Variants in DYM observed in about 807,000 individuals in gnomAD.
The protein encoded by DYM is dyggve-Melchior-Clausen syndrome protein.
Under a neutral mutation model 93.1 loss-of-function variants are expected in DYM, and 78 were observed. That is an observed-to-expected ratio of 0.84 (90% CI 0.70 to 1.01). The LOEUF (loss-of-function observed/expected upper bound fraction) is 1.01. DYM is among the 50% of genes least tolerant of loss of function. The pLI is 0.00. For missense variants in DYM, 789 were observed against 845.0 expected, an observed-to-expected ratio of 0.93 and a Z score of 0.82; for synonymous variants, 321 against 319.7, an observed-to-expected ratio of 1.00 and a Z score of -0.04.
rs188868815 is a variant in DYM, at chr18:49,047,163, A to G, written c.2026-2959T>C. Among the ~76,000 whole-genome samples, 402 of 152,230 alleles carry G rather than the reference A, an allele frequency of 2.6e-3. 10 individuals carry two copies. The highest frequency in any genetic ancestry group is 0.023 in the Admixed American group (356 of 15,278). On this transcript the variant is annotated intron_variant, in intron 17 of 17. Coordinates refer to ENST00000675505, the MANE Select transcript of DYM (RefSeq NM_001353214.3). ...CAGCTCCCCACTTTGTGGCTACCAG[A>G]CTGTTATATAAATAGACGCCAAGCT...
chr18:49,111,916 G>T (rs2145861781), intron 16 of DYM, among the ~76,000 whole-genome samples: 1 of 152,286 alleles, frequency 6.6e-6, no homozygotes, highest in South Asian at 2.1e-4. Flanking sequence ...TCCGATGGCA[G>T]CCAGACTTTG....
chr18:49,238,675 C>A (rs1457618560), intron 13 of DYM, among the ~76,000 whole-genome samples: 1 of 151,908 alleles, frequency 6.6e-6, no homozygotes, highest in Non-Finnish European at 1.5e-5. Flanking sequence ...TTAGCTAAAG[C>A]ATCTCCCTAT....
chr18:49,241,599 T>C (rs975219979), intron 13 of DYM, among the ~76,000 whole-genome samples: 15 of 152,154 alleles, frequency 9.9e-5, no homozygotes, highest in African/African-American at 3.4e-4. Context: ...TTTATTTTTC[T>C]CTCCACCACT....
chr18:49,405,870 T>C (rs1482794641), intron 2 of DYM, among the ~76,000 whole-genome samples: 1 of 152,220 alleles, frequency 6.6e-6, no homozygotes, highest in African/African-American at 2.4e-5. Context: ...TGGAATGTTT[T>C]TCCATTTGTT....
intron 13 of DYM, among the ~76,000 whole-genome samples, chr18:49,218,353 G>C (rs528682273): frequency 2.6e-5 from 4 of 152,170 alleles, no homozygotes; most frequent in Non-Finnish European, 5.9e-5. Context: ...CAACGAAACA[G>C]AAAGTTAACA....
intron 5 of DYM, among the ~76,000 whole-genome samples, chr18:49,366,636 C>T (rs1024522540): frequency 1.3e-5 from 2 of 152,170 alleles, no homozygotes; most frequent in African/African-American, 2.4e-5. Flanking sequence ...TTAAAACAAA[C>T]AAACAAACAA....
intron 16 of DYM, among the ~76,000 whole-genome samples, chr18:49,097,772 G>C (rs934309686): frequency 6.6e-6 from 1 of 152,056 alleles, no homozygotes; most frequent in Non-Finnish European, 1.5e-5. Flanking sequence ...TTCTTGTGCT[G>C]CCTGACCTTG....
intron 10 of DYM, among the ~76,000 whole-genome samples, chr18:49,278,862 CT>C (rs1329534421): frequency 6.6e-6 from 1 of 152,152 alleles, no homozygotes; most frequent in African/African-American, 2.4e-5. Flanking sequence ...AGATATATTT[CT>C]TTTCTCTTAT....
chr18:49,227,228 C>T (rs1322120871), intron 13 of DYM, among the ~76,000 whole-genome samples: 1 of 152,116 alleles, frequency 6.6e-6, no homozygotes, highest in African/African-American at 2.4e-5. Flanking sequence ...TTATAAAATT[C>T]TTCCTAAAAA....
intron 14 of DYM, chr18:49,208,624 T>C (rs1342113760): frequency 6.6e-6 from 1 of 152,208 alleles, no homozygotes. Flanking sequence ...ATATTATGTA[T>C]AGTCTCAAGT....
intron 8 of DYM, chr18:49,329,430 A>AT (rs1279518633): frequency 6.6e-6 from 1 of 152,250 alleles, no homozygotes; most frequent in Non-Finnish European, 1.5e-5. Context: ...AAAAAGTATA[A>AT]TTTAAAAAAA....
chr18:49,143,978 C>T (rs192198901), intron 15 of DYM, among the ~76,000 whole-genome samples: 222 of 152,150 alleles, frequency 1.5e-3, no homozygotes, highest in African/African-American at 5.0e-3. Flanking sequence ...AAAATATACA[C>T]AATGCAATTT....
intron 5 of DYM, among the ~76,000 whole-genome samples, chr18:49,365,727 G>A (rs2066461000): frequency 6.6e-6 from 1 of 152,154 alleles, no homozygotes; most frequent in Non-Finnish European, 1.5e-5. Context: ...CAGCCAAGCA[G>A]CCAGCACAGT....
rs185427110 is a variant in DYM at position 49,331,123 on chromosome 18, G to A, written c.763+741C>T. Among the ~76,000 whole-genome samples, 482 of 152,262 alleles carry A rather than the reference G, an allele frequency of 3.2e-3. 3 individuals are homozygous for A. The highest frequency in any genetic ancestry group is 4.7e-3 in the Non-Finnish European group (319 of 68,020). On this transcript the variant is annotated intron_variant, in intron 8 of 17. Coordinates refer to ENST00000675505, the MANE Select transcript of DYM (RefSeq NM_001353214.3). ...TGTGTTCCATTTGACTCTGTCCTGC[G>A]TGATTAAGGAGAGGACATGCTGCAG...
intron 6 of DYM, among the ~76,000 whole-genome samples, chr18:49,361,201 G>A (rs1249151282): frequency 6.6e-6 from 1 of 152,216 alleles, no homozygotes. Flanking sequence ...ATGGGAAATT[G>A]TCCCATTTCC....
chr18:49,217,617 A>C (rs1418555408), intron 13 of DYM, among the ~76,000 whole-genome samples: 1 of 152,270 alleles, frequency 6.6e-6, no homozygotes, highest in Non-Finnish European at 1.5e-5. Context: ...CTTAAAGAAA[A>C]GAATTTTCAA....
At chr18:49,299,128 A>G (rs531869553) in intron 8 of DYM, among the ~76,000 whole-genome samples, 67 of 152,318 alleles carry the variant, frequency 4.4e-4, no homozygotes, top group African/African-American at 1.6e-3. Flanking sequence ...CCAAAATGGT[A>G]CACGGATCAA....
intron 14 of DYM, among the ~76,000 whole-genome samples, chr18:49,186,920 CTTTTTT>C (rs57080617): frequency 2.2e-3 from 264 of 117,834 alleles, no homozygotes; most frequent in African/African-American, 8.8e-3. Context: ...ACACAATCTT[CTTTTTT>C]TTTTTTTTTT....
chr18:49,289,723 A>ATG (rs374087638), intron 8 of DYM, among the ~76,000 whole-genome samples: 2,216 of 36,248 alleles, frequency 0.061, 82 homozygotes, highest in South Asian at 0.14. Flanking sequence ...ATATATATAT[A>ATG]TGTGTATATA....
Sources: allele counts gnomAD v4.1 joint callset (sites outside exome capture counted in the v4.1 genomes callset), GRCh38; gene constraint gnomAD v4.1.1; transcripts MANE v1.5; gene names NCBI Gene and HGNC (gene_info 2026-07-23, HGNC 2026-07-21).